The following VPS13B variants were observed in gnomAD, a reference collection of about 807,000 sequenced individuals.
The protein encoded by VPS13B is intermembrane lipid transfer protein VPS13B.
A neutral mutation model predicts 426.4 loss-of-function variants in VPS13B; 285 were observed. The ratio of observed to expected loss-of-function variants is 0.67; its 90% CI spans 0.61 to 0.74. The LOEUF is 0.74. VPS13B is among the 30% of genes least tolerant of loss of function. The pLI is 0.00. For missense variants in VPS13B, 4,537 were observed against 4,782.6 expected (o/e 0.95, Z 1.51); for synonymous variants, 1,676 against 1,676.4 (o/e 1.00, Z 0.01).
intron 31 of VPS13B, among the ~76,000 whole-genome samples, chr8:99,562,504 C>T (rs929245509): frequency 6.6e-6 from 1 of 152,162 alleles, no homozygotes; most frequent in African/African-American, 2.4e-5. Context: ...TGGCCTCGAA[C>T]TTCTAACCTC....
chr8:99,066,657 C>G (rs1026022726), intron 3 of VPS13B, among the ~76,000 whole-genome samples: 5 of 152,176 alleles, frequency 3.3e-5, no homozygotes, highest in Admixed American at 6.5e-5. Flanking sequence ...GAAATGGGAT[C>G]TAATTAAACT....
At chr8:99,541,104 C>T (rs903371576) in intron 30 of VPS13B, among the ~76,000 whole-genome samples, 1 of 151,900 alleles carries the variant, frequency 6.6e-6, no homozygotes, top group Non-Finnish European at 1.5e-5. Context: ...TATATTTATA[C>T]CCTATATACT....
chr8:99,580,039 T>G (rs1825976188), intron 33 of VPS13B, among the ~76,000 whole-genome samples: 1 of 151,650 alleles, frequency 6.6e-6, no homozygotes, highest in Non-Finnish European at 1.5e-5. Flanking sequence ...AAAAGAAAAA[T>G]AGGAAAATTA....
intron 5 of VPS13B, among the ~76,000 whole-genome samples, chr8:99,103,436 C>G (rs1034586791): frequency 1.4e-4 from 21 of 149,830 alleles, no homozygotes; most frequent in African/African-American, 4.4e-4. Flanking sequence ...CTCAAACAAT[C>G]CTCTCACCTC....
chr8:99,393,009 G>A (rs1268771503), intron 21 of VPS13B, among the ~76,000 whole-genome samples: 1 of 151,834 alleles, frequency 6.6e-6, no homozygotes, highest in Non-Finnish European at 1.5e-5. Context: ...GTTTATAATT[G>A]AGCTGTTAAT....
In VPS13B at chr8:99,477,218, G is replaced by C. The variant is rs180847144; in HGVS notation, c.3667-4381G>C. Among the ~76,000 whole-genome samples the C allele has an allele frequency of 2.6e-5, 4 of 152,194 alleles. No homozygotes were observed. The East Asian group carries it at 5.8e-4, about 22-fold the overall frequency. On this transcript the variant is annotated intron_variant, in intron 24 of 61. Coordinates refer to ENST00000357162, the MANE Select transcript of VPS13B (RefSeq NM_152564.5). ...ATTTTCTGGGTATCCTGTCTTAAAAGGAGTATCATGGACCCCTAAAATGCA... is the reference window on the plus strand; with the variant it reads ...ATTTTCTGGGTATCCTGTCTTAAAACGAGTATCATGGACCCCTAAAATGCA...
intron 23 of VPS13B, among the ~76,000 whole-genome samples, chr8:99,456,530 A>C (rs916198857): frequency 1.3e-5 from 2 of 152,142 alleles, no homozygotes; most frequent in African/African-American, 4.8e-5. Context: ...TAGTTTTTTG[A>C]ATATATTGAC....
Position 99,284,369 on chromosome 8 carries a change from A to G in VPS13B, c.2824+9115A>G, listed in dbSNP as rs564392973. 1.8e-4 allele frequency among the ~76,000 whole-genome samples: 28 copies of G among 152,130 alleles called. 1 individual carries two copies. Among genetic ancestry groups the G allele is most frequent in the African/African-American group, 6.7e-4 (28 of 41,488 alleles). ...TTCATCTAACAAGTATTTATTGCCT[A>G]TTTTTTGTGCGTAGAACTATAACGA... is the stretch of plus-strand genomic sequence containing the variant. On this transcript the variant is annotated intron_variant, in intron 19 of 61. Transcript: ENST00000357162.
chr8:99,817,287 C>CCAG (rs1814097155), intron 44 of VPS13B, among the ~76,000 whole-genome samples: 1 of 151,848 alleles, frequency 6.6e-6, no homozygotes, highest in Non-Finnish European at 1.5e-5. Flanking sequence ...TTTTCTCTGG[C>CCAG]CAGCACCTGA....
At chr8:99,861,556 C>A (rs1017815413) in intron 57 of VPS13B, among the ~76,000 whole-genome samples, 12 of 152,234 alleles carry the variant, frequency 7.9e-5, no homozygotes, top group African/African-American at 2.9e-4. Flanking sequence ...CCTGCGCTGG[C>A]CTCCCACAGT....
intron 28 of VPS13B, chr8:99,507,838 A>G (rs1336332659): frequency 6.2e-7 from 1 of 1,613,974 alleles, no homozygotes; most frequent in Non-Finnish European, 8.5e-7. Context: ...GACAAGCTGA[A>G]CAGACGCACC....
chr8:99,588,948 T>C (rs1826449663), intron 33 of VPS13B, among the ~76,000 whole-genome samples: 1 of 151,434 alleles, frequency 6.6e-6, no homozygotes, highest in Non-Finnish European at 1.5e-5. Flanking sequence ...CATAAATAGC[T>C]CTTATTATTT....
rs1814129356 is a variant in VPS13B, at chr8:99,817,741, G to A, written c.8299G>A (p.Glu2767Lys). The A allele has an allele frequency of 1.2e-6, 2 of 1,614,006 alleles. No homozygotes were observed. Among genetic ancestry groups the A allele is most frequent in the Non-Finnish European group, 1.7e-6 (2 of 1,180,014 alleles). Reference protein sequence around the residue: ...TELCVKAKGDEDWSRDVCLES... With the variant: ...TELCVKAKGDKDWSRDVCLES... ...GCTGTGTGTGAAGGCCAAAGGAGATGAAGACTGGTCAAGAGATGTGTGCCT... is the reference window on the plus strand; with the variant it reads ...GCTGTGTGTGAAGGCCAAAGGAGATAAAGACTGGTCAAGAGATGTGTGCCT... The change falls in exon 45 of 62, where the codon GAA becomes AAA. Residue 2767 changes from glutamate to lysine, a missense_variant. This residue lies in a region of VPS13B where 4,311 missense variants were observed against 4,474.3 expected (regional missense o/e 0.96). Transcript: ENST00000357162.
At chr8:99,722,202 G>C (rs993401814) in intron 39 of VPS13B, among the ~76,000 whole-genome samples, 1 of 152,114 alleles carries the variant, frequency 6.6e-6, no homozygotes, top group Non-Finnish European at 1.5e-5. Context: ...TCGTCAGTCA[G>C]GTACCAGCTC....
intron 8 of VPS13B, among the ~76,000 whole-genome samples, chr8:99,129,851 A>G (rs1251043553): frequency 6.6e-6 from 1 of 152,098 alleles, no homozygotes; most frequent in Non-Finnish European, 1.5e-5. Flanking sequence ...GTGAGACCCC[A>G]TCTTTATAAA....
At chr8:99,593,606 G>T (rs188941514) in intron 33 of VPS13B, among the ~76,000 whole-genome samples, 1 of 152,100 alleles carries the variant, frequency 6.6e-6, no homozygotes, top group African/African-American at 2.4e-5. Flanking sequence ...ATACATGCAC[G>T]TATATGTTCA....
chr8:99,397,157 A>T (rs949444212), intron 21 of VPS13B, among the ~76,000 whole-genome samples: 1 of 151,914 alleles, frequency 6.6e-6, no homozygotes, highest in Non-Finnish European at 1.5e-5. Flanking sequence ...TTATTTATTT[A>T]TTTTTTGAGA....
chr8:99,486,943 G>A (rs546880668), intron 25 of VPS13B, among the ~76,000 whole-genome samples: 1 of 152,238 alleles, frequency 6.6e-6, no homozygotes, highest in South Asian at 2.1e-4. Context: ...AACTGGGAAG[G>A]GAAATCTCAG....
intron 24 of VPS13B, among the ~76,000 whole-genome samples, chr8:99,478,806 T>C (rs1819884210): frequency 2.0e-5 from 3 of 149,396 alleles, no homozygotes; most frequent in African/African-American, 7.4e-5. Context: ...AAGTGTAATC[T>C]TTTATGTGAA....
Sources: allele counts gnomAD v4.1 joint callset (sites outside exome capture counted in the v4.1 genomes callset), GRCh38; gene constraint gnomAD v4.1.1; regional missense constraint gnomAD v4.1.1; transcripts MANE v1.5; gene names NCBI Gene and HGNC (gene_info 2026-07-23, HGNC 2026-07-21).